TBC1D32: variants seen among roughly 807,000 people sequenced by gnomAD.
The protein encoded by TBC1D32 is TBC1 domain family member 32.
Under a neutral mutation model 170.3 loss-of-function variants are expected in TBC1D32, and 151 were observed. The observed-to-expected ratio is 0.89, with a 90% CI of 0.78 to 1.01. The LOEUF (loss-of-function observed/expected upper bound fraction) is 1.01. Among genes scored for constraint, TBC1D32 ranks in the 50% least tolerant of loss-of-function variants. The pLI is 0.00. For synonymous variants in TBC1D32, 498 were observed against 488.0 expected (o/e 1.02, Z -0.27); for missense variants, 1,464 against 1,457.1 (o/e 1.00, Z -0.08).
rs143031228 is a variant in TBC1D32 at position 121,226,555 on chromosome 6, C to A, written c.2365-3203G>T. On this transcript the variant is annotated intron_variant, in intron 20 of 31. Transcript: ENST00000398212. ...GCAGACAATATAAAGGAGTAAAGAACAAATTAGAATTTGGAAGCTGTAAGA... is the reference window on the plus strand; with the variant it reads ...GCAGACAATATAAAGGAGTAAAGAAAAAATTAGAATTTGGAAGCTGTAAGA... 6.2e-4 allele frequency among the ~76,000 whole-genome samples: 95 copies of A among 152,100 alleles called. No homozygotes were observed. The East Asian group carries it at 7.5e-3, about 12-fold the overall frequency.
At chr6:121,152,141 G>C (rs1784297917) in intron 24 of TBC1D32, among the ~76,000 whole-genome samples, 1 of 152,114 alleles carries the variant, frequency 6.6e-6, no homozygotes, top group South Asian at 2.1e-4. Flanking sequence ...GGCTGGTACT[G>C]GTTTTTCCTT....
intron 22 of TBC1D32, among the ~76,000 whole-genome samples, chr6:121,171,811 T>A (rs1787049683): frequency 1.3e-5 from 2 of 152,084 alleles, no homozygotes; most frequent in African/African-American, 4.8e-5. Context: ...AACAAACATA[T>A]CATGAGAATG....
chr6:121,170,406 T>C lies in TBC1D32; in HGVS notation c.2571-9350A>G, dbSNP rs777542123. The C allele has an allele frequency of 3.6e-5, 58 of 1,599,818 alleles. 1 individual carries two copies. The South Asian group carries it at 6.3e-4, about 18-fold the overall frequency. On this transcript the variant is annotated intron_variant, in intron 22 of 31. Coordinates refer to ENST00000398212, the MANE Select transcript of TBC1D32 (RefSeq NM_152730.6). ...TCTGTTTTAATCACCCATTTTTACCTGTGGCTCTCAGAAATCTCCAAGATA... is the reference window on the plus strand; with the variant it reads ...TCTGTTTTAATCACCCATTTTTACCCGTGGCTCTCAGAAATCTCCAAGATA...
chr6:121,329,871 T>C (rs892335622), intron 1 of TBC1D32, among the ~76,000 whole-genome samples: 3 of 152,122 alleles, frequency 2.0e-5, no homozygotes, highest in African/African-American at 7.2e-5. Flanking sequence ...CATAAGGCCA[T>C]ATAATAGAAA....
At chr6:121,213,008 G>T (rs1347394358) in intron 21 of TBC1D32, among the ~76,000 whole-genome samples, 1 of 152,106 alleles carries the variant, frequency 6.6e-6, no homozygotes, top group Admixed American at 6.5e-5. Flanking sequence ...CATCCTTCGT[G>T]TTAAAAACTC....
At chr6:121,184,781 T>G (rs1418707137) in intron 22 of TBC1D32, among the ~76,000 whole-genome samples, 3 of 151,758 alleles carry the variant, frequency 2.0e-5, no homozygotes, top group African/African-American at 7.3e-5. Context: ...TAAATAACTA[T>G]TCTTATTTTG....
chr6:121,332,843 G>C (rs888982582), intron 1 of TBC1D32, among the ~76,000 whole-genome samples: 3 of 152,096 alleles, frequency 2.0e-5, no homozygotes, highest in Non-Finnish European at 4.4e-5. Flanking sequence ...ACAGGTATTA[G>C]TAGTGAATTT....
At chr6:121,217,082 C>T (rs940921833) in intron 21 of TBC1D32, among the ~76,000 whole-genome samples, 3 of 152,220 alleles carry the variant, frequency 2.0e-5, no homozygotes, top group Non-Finnish European at 1.5e-5. Flanking sequence ...TCCCATTTGG[C>T]CTGTGCAGAA....
intron 26 of TBC1D32, among the ~76,000 whole-genome samples, chr6:121,124,391 T>C (rs1780610909): frequency 6.6e-6 from 1 of 152,262 alleles, no homozygotes; most frequent in African/African-American, 2.4e-5. Flanking sequence ...AAAGTATCTG[T>C]TGTCAGGCAT....
At chr6:121,177,484 C>T (rs1787933527) in intron 22 of TBC1D32, among the ~76,000 whole-genome samples, 1 of 152,130 alleles carries the variant, frequency 6.6e-6, no homozygotes, top group Admixed American at 6.6e-5. Flanking sequence ...GCCAATTAAA[C>T]CTCTTTTCTT....
Position 121,241,450 on chromosome 6 carries a change from A to G in TBC1D32, c.2245+15T>C. 2 of 1,602,912 alleles carry G rather than the reference A, an allele frequency of 1.2e-6. No homozygotes were observed. The highest frequency in any genetic ancestry group is 1.7e-6 in the Non-Finnish European group (2 of 1,172,794). On this transcript the variant is annotated intron_variant, in intron 19 of 31. Coordinates refer to ENST00000398212, the MANE Select transcript of TBC1D32 (RefSeq NM_152730.6). ...TTTAAAATAATTATAATTCTAATGA[A>G]AAGAAAACATTTACCTGACTTTTTT...
intron 1 of TBC1D32, among the ~76,000 whole-genome samples, chr6:121,332,667 G>C (rs189215378): frequency 6.6e-6 from 1 of 152,244 alleles, no homozygotes; most frequent in African/African-American, 2.4e-5. Context: ...GCTTTATGTG[G>C]ATGTGTGTGA....
intron 3 of TBC1D32, among the ~76,000 whole-genome samples, chr6:121,315,668 C>T (rs1474102213): frequency 6.6e-6 from 1 of 151,762 alleles, no homozygotes; most frequent in African/African-American, 2.4e-5. Flanking sequence ...CACCCCACAG[C>T]AAGAAACAAC....
intron 13 of TBC1D32, among the ~76,000 whole-genome samples, chr6:121,282,518 A>G (rs1803165210): frequency 6.6e-6 from 1 of 151,524 alleles, no homozygotes; most frequent in African/African-American, 2.4e-5. Flanking sequence ...TAGTCAATAA[A>G]CACGCTGACT....
intron 24 of TBC1D32, among the ~76,000 whole-genome samples, chr6:121,159,005 C>T (rs1248338416): frequency 6.6e-6 from 1 of 152,174 alleles, no homozygotes; most frequent in East Asian, 1.9e-4. Flanking sequence ...AGACATTGTT[C>T]AACTACCACA....
At chr6:121,291,121 C>G (rs1720929599) in intron 12 of TBC1D32, among the ~76,000 whole-genome samples, 2 of 151,436 alleles carry the variant, frequency 1.3e-5, no homozygotes, top group African/African-American at 4.9e-5. Context: ...GCACGTTGTG[C>G]ACATGTACCC....
intron 15 of TBC1D32, among the ~76,000 whole-genome samples, chr6:121,271,691 A>T (rs1801453728): frequency 6.6e-6 from 1 of 152,172 alleles, no homozygotes; most frequent in Admixed American, 6.5e-5. Context: ...ATACTGCCCA[A>T]GGTAATTTAT....
chr6:121,246,615 C>A (rs969965226), intron 17 of TBC1D32, among the ~76,000 whole-genome samples: 1 of 151,238 alleles, frequency 6.6e-6, no homozygotes, highest in South Asian at 2.1e-4. Flanking sequence ...ATGCAAAAAA[C>A]AAGTTAAAGA....
Position 121,113,166 on chromosome 6 carries a change from A to C in TBC1D32, c.3065T>G (p.Phe1022Cys). The C allele has an allele frequency of 6.2e-7, 1 of 1,606,528 alleles. No homozygotes were observed. Among genetic ancestry groups the C allele is most frequent in the Non-Finnish European group, 8.5e-7 (1 of 1,177,114 alleles). Reference sequence around the variant, plus strand: ...TGCACCATCTTTTAAGAGACTGAGGAATTTGCCATACCTATATTAAAAGCC... The same window carrying C: ...TGCACCATCTTTTAAGAGACTGAGGCATTTGCCATACCTATATTAAAAGCC... Reference protein sequence around the residue: ...GIKMTVRYGKFLSLLKDGAEN... With the variant: ...GIKMTVRYGKCLSLLKDGAEN... Residue 1022 changes from phenylalanine to cysteine, a missense_variant, in exon 28 of 32, where the codon TTC (phenylalanine) becomes TGC (cysteine). Phe to Cys is a radical substitution (Grantham distance 205). Around this residue, in one of 3 missense-constraint regions of TBC1D32, gnomAD observed 1,363 missense variants for 1,338.1 expected, o/e 1.02. Transcript: ENST00000398212.
Sources: allele counts gnomAD v4.1 joint callset (sites outside exome capture counted in the v4.1 genomes callset), GRCh38; gene constraint gnomAD v4.1.1; regional missense constraint gnomAD v4.1.1; transcripts MANE v1.5; gene names NCBI Gene and HGNC (gene_info 2026-07-23, HGNC 2026-07-21).